BTN3A2: variants seen among roughly 807,000 people sequenced by gnomAD.
BTN3A2 encodes butyrophilin subfamily 3 member A2.
A neutral mutation model predicts 37.6 loss-of-function variants in BTN3A2; 25 were observed. That is an observed-to-expected ratio of 0.66 (90% CI 0.48 to 0.93). BTN3A2 has a LOEUF of 0.93. BTN3A2 is among the 40% of genes least tolerant of loss of function. The probability of loss-of-function intolerance (pLI) is 0.00; values close to 1 mark genes in which losing one functional copy is unlikely to be tolerated. For missense variants in BTN3A2, 266 were observed against 410.9 expected (o/e 0.65, Z 3.05); for synonymous variants, 122 against 159.4 (o/e 0.77, Z 1.77).
chr6:26,371,728 GAGTGCAGTGGTGCAATCTC>G, intron 5 of BTN3A2, among the ~76,000 whole-genome samples: 1 of 151,704 alleles, frequency 6.6e-6, no homozygotes, highest in East Asian at 1.9e-4. Context: ...GCCCAGGCTT[GAGTGCAGTGGTGCAATCTC>G]AGCTCGCTGC....
intron 1 of BTN3A2, among the ~76,000 whole-genome samples, chr6:26,366,551 T>C (rs1762081750): frequency 6.6e-6 from 1 of 152,238 alleles, no homozygotes; most frequent in Non-Finnish European, 1.5e-5. Context: ...GTTCTCCCTC[T>C]GAGGACAGCA....
At chr6:26,375,278 A>G (rs1002070067) in intron 10 of BTN3A2, 2 of 272,418 alleles carry the variant, frequency 7.3e-6, no homozygotes, top group African/African-American at 2.2e-5. Flanking sequence ...AGCAACAAGG[A>G]AAAGTGCAGT....
chr6:26,376,371 G>GCAGT lies in BTN3A2; in HGVS notation c.*609_*610insCAGT. Reference sequence around the variant, plus strand: ...CAGGGTATTGGGTTAGGCAGATACTGACCTTACTTTCATTTCCCCTCTGGT... The same window carrying GCAGT: ...CAGGGTATTGGGTTAGGCAGATACTGCAGTACCTTACTTTCATTTCCCCTCTGGT... On this transcript the variant is annotated 3_prime_UTR_variant, in exon 11 of 11. Transcript: ENST00000377708. 1 of 348,432 alleles carries GCAGT rather than the reference G, an allele frequency of 2.9e-6. No individual in the cohort carries two copies. Among genetic ancestry groups the GCAGT allele is most frequent in the Non-Finnish European group, 5.1e-6 (1 of 194,876 alleles). The allele number at this position is 348,432 out of a possible 1,614,324, so 21.6% of individuals were successfully genotyped here. A position where few individuals can be genotyped will look rare whatever the true frequency, so the allele number is the denominator to read the frequency against.
chr6:26,365,350 G>A lies in BTN3A2; in HGVS notation c.-69G>A. 6.5e-7 allele frequency: 1 copy of A among 1,536,140 alleles called. No individual in the cohort carries two copies. The highest frequency in any genetic ancestry group is 8.7e-7 in the Non-Finnish European group (1 of 1,146,860). ...TCTGATTCTCCAATGGGAATACCAA[G>A]GGGTAAGTGCAGGAAATTGATTAGA... is the stretch of plus-strand genomic sequence containing the variant. On this transcript the variant is annotated splice_region_variant and 5_prime_UTR_variant, in exon 1 of 11. Transcript: ENST00000377708.
chr6:26,375,415 T>C (rs1760618194), intron 10 of BTN3A2: 1 of 458,488 alleles, frequency 2.2e-6, no homozygotes, highest in African/African-American at 2.0e-5. Flanking sequence ...AGAAGAGTCC[T>C]CGGGCCTTGT....
chr6:26,375,481 A>G, intron 10 of BTN3A2: 1 of 671,026 alleles, frequency 1.5e-6, no homozygotes, highest in Non-Finnish European at 2.5e-6. Flanking sequence ...AACGGTGTGT[A>G]TCTCCTTTCT....
At chr6:26,370,101 C>T (rs1182424407) in intron 4 of BTN3A2, among the ~76,000 whole-genome samples, 1 of 152,186 alleles carries the variant, frequency 6.6e-6, no homozygotes, top group African/African-American at 2.4e-5. Context: ...TCTCCTCCTC[C>T]CTCTGGTAAT....
intron 10 of BTN3A2, chr6:26,375,009 A>G (rs1328011157): frequency 4.4e-6 from 2 of 458,984 alleles, no homozygotes; most frequent in Non-Finnish European, 7.5e-6. Flanking sequence ...TGCCAAGGAG[A>G]GGAGGTGATG....
intron 1 of BTN3A2, among the ~76,000 whole-genome samples, chr6:26,367,681 A>G (rs1759651714): frequency 6.6e-6 from 1 of 152,192 alleles, no homozygotes; most frequent in Non-Finnish European, 1.5e-5. Context: ...TCAGCCCCTG[A>G]CTGACTTCAG....
intron 1 of BTN3A2, among the ~76,000 whole-genome samples, chr6:26,365,660 G>T (rs1165443350): frequency 6.6e-6 from 1 of 152,096 alleles, no homozygotes; most frequent in Non-Finnish European, 1.5e-5. Context: ...TATTCCAACT[G>T]CATGTTCTTA....
rs545956875 is a variant in BTN3A2, at chr6:26,367,856, A to T, written c.-66-134A>T. The T allele has an allele frequency of 5.1e-4, 162 of 319,566 alleles. 2 individuals are homozygous for T. Among genetic ancestry groups the T allele is most frequent in the Middle Eastern group, 2.1e-3 (2 of 940 alleles). The allele number at this position is 319,566 out of a possible 1,614,324, so 19.8% of individuals were successfully genotyped here. A position where few individuals can be genotyped will look rare whatever the true frequency, so the allele number is the denominator to read the frequency against. ...AATCCAGTGAAGAGGGTCCTTCATGAATCAGAGGGGGATGATGGAAGCTTG... is the reference window on the plus strand; with the variant it reads ...AATCCAGTGAAGAGGGTCCTTCATGTATCAGAGGGGGATGATGGAAGCTTG... On this transcript the variant is annotated intron_variant, in intron 1 of 10. Transcript: ENST00000377708.
At position 26,376,333 on chromosome 6, in the gene BTN3A2, CT is replaced by C. The variant is rs2113724130; in HGVS notation, c.*573del. On this transcript the variant is annotated 3_prime_UTR_variant, in exon 11 of 11. Coordinates refer to ENST00000377708, the MANE Select transcript of BTN3A2 (RefSeq NM_007047.5). ...TGTAGAAAGAGGATCCTTGTTGCTT[CT>C]TGGGGCCGCATCAGGGTATTGGGTT... is the stretch of plus-strand genomic sequence containing the variant. 1 of 223,834 alleles carries C rather than the reference CT, an allele frequency of 4.5e-6. No individual in the cohort carries two copies. The highest frequency in any genetic ancestry group is 1.1e-4 in the East Asian group (1 of 8,754). 13.9% of individuals were successfully genotyped at this position (223,834 alleles called of 1,614,324 possible). A position where few individuals can be genotyped will look rare whatever the true frequency, so the allele number is the denominator to read the frequency against.
Position 26,374,307 on chromosome 6 carries a change from C to A in BTN3A2, c.965-20C>A, listed in dbSNP as rs1554126089. On this transcript the variant is annotated intron_variant, in intron 8 of 10. Coordinates refer to ENST00000377708, the MANE Select transcript of BTN3A2 (RefSeq NM_007047.5). ...AAAAGGCAGAGTTCTGGTGACACCTCTACCTTTCTTTCATTGTAGGTGGAG... is the reference window on the plus strand; with the variant it reads ...AAAAGGCAGAGTTCTGGTGACACCTATACCTTTCTTTCATTGTAGGTGGAG... 2 of 1,546,854 alleles carry A rather than the reference C, an allele frequency of 1.3e-6. No individual in the cohort carries two copies. Among genetic ancestry groups the A allele is most frequent in the Non-Finnish European group, 1.8e-6 (2 of 1,141,162 alleles).
At chr6:26,365,942 T>C (rs1412670020) in intron 1 of BTN3A2, among the ~76,000 whole-genome samples, 1 of 152,224 alleles carries the variant, frequency 6.6e-6, no homozygotes, top group Non-Finnish European at 1.5e-5. Context: ...TTAGGAATCA[T>C]AATTTTAATT....
rs751198622 is a variant in BTN3A2 at position 26,372,956 on chromosome 6, T to C, written c.775T>C (p.Leu259=). The C allele has an allele frequency of 1.7e-5, 28 of 1,614,128 alleles. No homozygotes were observed. The highest frequency in any genetic ancestry group is 2.4e-5 in the Non-Finnish European group (28 of 1,180,056). The change falls in exon 6 of 11, where the codon TTG becomes CTG. Residue 259 remains leucine, a synonymous_variant. Coordinates refer to ENST00000377708, the MANE Select transcript of BTN3A2 (RefSeq NM_007047.5). Reference sequence around the variant, plus strand: ...AGCCCTGGCAGGGACCCTGCCTATCTTGCTGCTGCTTCTCGCCGGAGCCAG... The same window carrying C: ...AGCCCTGGCAGGGACCCTGCCTATCCTGCTGCTGCTTCTCGCCGGAGCCAG... The part of the protein sequence containing the change: ...IAALAGTLPI[L]LLLLAGASYF...
chr6:26,373,593 A>C, intron 8 of BTN3A2, 180 bp downstream of exon 8: 5 of 460,070 alleles, frequency 1.1e-5, no homozygotes, highest in Non-Finnish European at 1.8e-5. Context: ...CTCTAGAAAA[A>C]AAAAAAAAAA....
At chr6:26,374,198 T>G (rs1760445087) in intron 8 of BTN3A2, 129 bp from the exon 9 acceptor site, 2 of 408,104 alleles carry the variant, frequency 4.9e-6, no homozygotes, top group South Asian at 3.0e-5. Flanking sequence ...AAGGGTGGGA[T>G]GGTAAAAAAA....
At chr6:26,374,525 C>A in intron 9 of BTN3A2, 152 bp downstream of exon 9, 2 of 917,236 alleles carry the variant, frequency 2.2e-6, no homozygotes, top group Non-Finnish European at 3.4e-6. Context: ...CTCTGAGAAA[C>A]TCCTGATCCT....
chr6:26,365,533 C>T (rs1761983692), intron 1 of BTN3A2, among the ~76,000 whole-genome samples, 181 bp downstream of exon 1: 1 of 148,898 alleles, frequency 6.7e-6, no homozygotes, highest in Non-Finnish European at 1.5e-5. Context: ...TGTACATGTG[C>T]ACACTCGCAC....
Sources: allele counts gnomAD v4.1 joint callset (sites outside exome capture counted in the v4.1 genomes callset), GRCh38; gene constraint gnomAD v4.1.1; transcripts MANE v1.5; gene names NCBI Gene and HGNC (gene_info 2026-07-23, HGNC 2026-07-21).